The following TMEM132C variants were observed in gnomAD, a reference collection of about 807,000 sequenced individuals.
The protein encoded by TMEM132C is protein phosphatase 1, regulatory subunit 152.
Under a neutral mutation model 61.4 loss-of-function variants are expected in TMEM132C, and 29 were observed. The observed-to-expected ratio is 0.47, with a 90% CI of 0.35 to 0.64. The LOEUF (loss-of-function observed/expected upper bound fraction) is 0.64. TMEM132C is among the 30% of genes least tolerant of loss of function. The pLI, the probability that TMEM132C is intolerant of heterozygous loss-of-function variation, is 0.00. For synonymous variants in TMEM132C, 656 were observed against 633.1 expected (o/e 1.04, Z -0.54); for missense variants, 1,408 against 1,476.9 (o/e 0.95, Z 0.76).
intron 2 of TMEM132C, among the ~76,000 whole-genome samples, chr12:128,471,417 C>T (rs376250183): frequency 6.6e-6 from 1 of 152,174 alleles, no homozygotes; most frequent in African/African-American, 2.4e-5. Context: ...TTATGGCCCA[C>T]GACCTCCATG....
intron 2 of TMEM132C, among the ~76,000 whole-genome samples, chr12:128,420,467 G>C (rs1232136060): frequency 6.6e-6 from 1 of 152,160 alleles, no homozygotes; most frequent in Non-Finnish European, 1.5e-5. Flanking sequence ...TGGAGAGGTA[G>C]GGGGAGGCGA....
chr12:128,462,984 G>A (rs140014717), intron 2 of TMEM132C, among the ~76,000 whole-genome samples: 1,567 of 152,276 alleles, frequency 0.01, 19 homozygotes, highest in East Asian at 0.04. Flanking sequence ...TTTGATTCTT[G>A]TATCTGCCAT....
Position 128,415,090 on chromosome 12 carries a change from G to C in TMEM132C, c.444G>C (p.Gln148His). The C allele has an allele frequency of 6.2e-7, 1 of 1,606,962 alleles. No individual in the cohort carries two copies. The highest frequency in any genetic ancestry group is 8.5e-7 in the Non-Finnish European group (1 of 1,176,598). The change falls in exon 2 of 9, where the codon CAG becomes CAC. Residue 148 changes from glutamine (Q) to histidine (H), a missense_variant. Gln to His is a conservative substitution (Grantham distance 24). Transcript: ENST00000435159. The surrounding 1 kb of genome is among the most constrained non-coding windows in gnomAD (Gnocchi z 5.8). ...DKVYLSRPKV[Q>H]VLFHIMGRDW... is the part of the protein sequence containing the mutation. ...TCTACCTGAGCCGGCCCAAAGTGCA[G>C]GTTCTTTTCCACATCATGGGCAGAG...
intron 3 of TMEM132C, among the ~76,000 whole-genome samples, chr12:128,557,248 T>C (rs989144827): frequency 5.9e-5 from 9 of 152,244 alleles, no homozygotes; most frequent in African/African-American, 1.9e-4. Context: ...TCATTTAAGG[T>C]ATTTCATGGC....
At chr12:128,373,583 G>A (rs940107019) in intron 1 of TMEM132C, among the ~76,000 whole-genome samples, 9 of 152,224 alleles carry the variant, frequency 5.9e-5, no homozygotes, top group African/African-American at 1.7e-4. Context: ...TCTCCCATGC[G>A]TAGCGTAGTG....
Position 128,706,507 on chromosome 12 carries a change from A to G in TMEM132C, c.*212A>G. The G allele has an allele frequency of 5.0e-6, 3 of 600,772 alleles. No homozygotes were observed. Among genetic ancestry groups the G allele is most frequent in the South Asian group, 8.7e-5 (2 of 22,930 alleles). The allele number at this position is 600,772 out of a possible 1,614,324, so 37.2% of individuals were successfully genotyped here. A position where few individuals can be genotyped will look rare whatever the true frequency, so the allele number is the denominator to read the frequency against. ...GTGGATTTTTAAAGGTCAGGGGAATAAAGTCTGGGGCATGGGGAGTGCAGA... is the reference window on the plus strand; with the variant it reads ...GTGGATTTTTAAAGGTCAGGGGAATGAAGTCTGGGGCATGGGGAGTGCAGA... On this transcript the variant is annotated 3_prime_UTR_variant, in exon 9 of 9. Transcript: ENST00000435159.
chr12:128,330,114 T>C (rs1378731647), intron 1 of TMEM132C, among the ~76,000 whole-genome samples: 1 of 152,118 alleles, frequency 6.6e-6, no homozygotes, highest in African/African-American at 2.4e-5. Context: ...GAAGATAGCA[T>C]CACTGCCACC....
At chr12:128,658,277 A>T (rs989536733) in intron 4 of TMEM132C, among the ~76,000 whole-genome samples, 2 of 152,178 alleles carry the variant, frequency 1.3e-5, no homozygotes, top group African/African-American at 4.8e-5. Flanking sequence ...TTTTAGTTTG[A>T]ACTCATGAAG....
At chr12:128,525,575 G>A (rs1219538943) in intron 2 of TMEM132C, among the ~76,000 whole-genome samples, 1 of 152,158 alleles carries the variant, frequency 6.6e-6, no homozygotes, top group African/African-American at 2.4e-5. Flanking sequence ...GGCACACAGG[G>A]CTGATCTGAG....
At chr12:128,439,486 CTTA>C (rs1869712116) in intron 2 of TMEM132C, among the ~76,000 whole-genome samples, 2 of 152,164 alleles carry the variant, frequency 1.3e-5, no homozygotes, top group African/African-American at 2.4e-5. Flanking sequence ...GCATGTTAGA[CTTA>C]TTATCCAGGA....
At chr12:128,699,283 C>T (rs1954787413) in intron 8 of TMEM132C, among the ~76,000 whole-genome samples, 1 of 152,162 alleles carries the variant, frequency 6.6e-6, no homozygotes. Context: ...CTTATTGGCT[C>T]ACAGTGCGGT....
rs561856952 is a variant in TMEM132C, at chr12:128,597,013, C to T, written c.1122-19139C>T. On this transcript the variant is annotated intron_variant, in intron 3 of 8. Coordinates refer to ENST00000435159, the MANE Select transcript of TMEM132C (RefSeq NM_001136103.3). The stretch of plus-strand genomic sequence containing the variant: ...CCAAAACTGCGGATGCTAAGTAGCT[C>T]GGCCTTTCAACAGTGCCCCCCTAGA... 5.1e-4 allele frequency among the ~76,000 whole-genome samples: 77 copies of T among 152,304 alleles called. No individual in the cohort carries two copies. In the Middle Eastern group the frequency reaches 0.017, roughly 34 times the overall value.
At chr12:128,651,659 T>TA (rs1361162488) in intron 4 of TMEM132C, among the ~76,000 whole-genome samples, 1 of 151,902 alleles carries the variant, frequency 6.6e-6, no homozygotes, top group Non-Finnish European at 1.5e-5. Flanking sequence ...AAAGCTGAAA[T>TA]AAAACAATGT....
intron 1 of TMEM132C, among the ~76,000 whole-genome samples, chr12:128,364,433 C>T (rs1377581696): frequency 6.6e-6 from 1 of 152,114 alleles, no homozygotes; most frequent in East Asian, 1.9e-4. Flanking sequence ...GGACCCGTCG[C>T]TCACACAGGG....
chr12:128,688,273 G>A lies in TMEM132C; in HGVS notation c.1450-5556G>A, dbSNP rs769565695. ...CTAGTATCAACAACATGGCTGAAAC[G>A]GTCCAGTCAAATCTTGAACCAACTC... On this transcript the variant is annotated intron_variant, in intron 5 of 8. Coordinates refer to ENST00000435159, the MANE Select transcript of TMEM132C (RefSeq NM_001136103.3). Among the ~76,000 whole-genome samples, 9 of 152,116 alleles carry A rather than the reference G, an allele frequency of 5.9e-5. No homozygotes were observed. In the South Asian group the frequency reaches 6.2e-4, roughly 11 times the overall value.
At chr12:128,327,521 T>C (rs1187899743) in intron 1 of TMEM132C, among the ~76,000 whole-genome samples, 2 of 151,692 alleles carry the variant, frequency 1.3e-5, no homozygotes, top group Non-Finnish European at 2.9e-5. Flanking sequence ...TAGCTGGGAC[T>C]ACAGGTGCCC....
chr12:128,602,334 G>C (rs1231665712), intron 3 of TMEM132C, among the ~76,000 whole-genome samples: 3 of 152,216 alleles, frequency 2.0e-5, no homozygotes, highest in African/African-American at 7.2e-5. Flanking sequence ...CATTGCACTT[G>C]GTGTCTCCCC....
At chr12:128,445,447 G>A (rs1259231404) in intron 2 of TMEM132C, among the ~76,000 whole-genome samples, 7 of 152,204 alleles carry the variant, frequency 4.6e-5, no homozygotes, top group African/African-American at 1.7e-4. Context: ...ACATTAGGCA[G>A]AGCCAGCCCC....
intron 1 of TMEM132C, among the ~76,000 whole-genome samples, chr12:128,342,852 T>C (rs756306320): frequency 2.0e-5 from 3 of 152,316 alleles, no homozygotes; most frequent in Middle Eastern, 3.4e-3. Flanking sequence ...TTCATTTCCT[T>C]AGGAGCCGGG....
Sources: gnomAD v4.1 joint callset for allele counts (sites outside exome capture counted in the v4.1 genomes callset) on GRCh38, gnomAD v4.1.1 for gene constraint, Gnocchi (gnomAD v3.1) non-coding constraint, MANE v1.5 for transcripts, NCBI Gene and HGNC (gene_info 2026-07-23, HGNC 2026-07-21) for gene names.